The following SH3GL2 variants were observed in gnomAD, a reference collection of about 807,000 sequenced individuals.
SH3GL2 encodes SH3 domain containing GRB2 like 2, endophilin A1.
A neutral mutation model predicts 46.0 loss-of-function variants in SH3GL2; 24 were observed. The ratio of observed to expected loss-of-function variants is 0.52; its 90% CI spans 0.38 to 0.73. The LOEUF is 0.73. Among genes scored for constraint, SH3GL2 ranks in the 30% least tolerant of loss-of-function variants. SH3GL2 has a pLI of 0.00. For synonymous variants in SH3GL2, 196 were observed against 147.1 expected, an observed-to-expected ratio of 1.33 and a Z score of -2.40; for missense variants, 413 against 424.2, an observed-to-expected ratio of 0.97 and a Z score of 0.23.
chr9:17,744,566 T>G (rs1822626181), intron 1 of SH3GL2, among the ~76,000 whole-genome samples: 1 of 152,078 alleles, frequency 6.6e-6, no homozygotes, highest in African/African-American at 2.4e-5. Context: ...AGAGTCTTAC[T>G]ACGTTGCCCA....
At chr9:17,663,630 T>C (rs2117905305) in intron 1 of SH3GL2, among the ~76,000 whole-genome samples, 1 of 152,314 alleles carries the variant, frequency 6.6e-6, no homozygotes, top group Admixed American at 6.5e-5. Context: ...AATTGCATTA[T>C]TATTAATGGT....
intron 2 of SH3GL2, among the ~76,000 whole-genome samples, chr9:17,755,541 A>G (rs1473189537): frequency 3.3e-5 from 5 of 152,260 alleles, no homozygotes; most frequent in East Asian, 3.9e-4. Context: ...GCCTTAAGCA[A>G]TCCTCCTATC....
At chr9:17,605,067 G>A (rs897969969) in intron 1 of SH3GL2, among the ~76,000 whole-genome samples, 7 of 151,364 alleles carry the variant, frequency 4.6e-5, no homozygotes, top group Admixed American at 1.3e-4. Flanking sequence ...CAACTTCCTG[G>A]GCTCAAGTGA....
intron 1 of SH3GL2, among the ~76,000 whole-genome samples, chr9:17,739,212 T>A (rs720269): frequency 0.09 from 13,661 of 152,154 alleles, 831 homozygotes; most frequent in Admixed American, 0.2. Flanking sequence ...ATTGACTTGC[T>A]TTGGCCTTGT....
At chr9:17,756,398 C>T (rs1228069000) in intron 2 of SH3GL2, among the ~76,000 whole-genome samples, 1 of 151,732 alleles carries the variant, frequency 6.6e-6, no homozygotes. Context: ...CATATGTATA[C>T]ATGTGCCATG....
At chr9:17,659,200 A>C (rs749280791) in intron 1 of SH3GL2, among the ~76,000 whole-genome samples, 74 of 152,142 alleles carry the variant, frequency 4.9e-4, no homozygotes, top group Non-Finnish European at 9.1e-4. Context: ...CTGTATTTAC[A>C]CTGGGATCCC....
chr9:17,739,385 A>G (rs1352063733), intron 1 of SH3GL2, among the ~76,000 whole-genome samples: 1 of 152,018 alleles, frequency 6.6e-6, no homozygotes, highest in Non-Finnish European at 1.5e-5. Context: ...ACTACATGTC[A>G]TAAATCTGAC....
intron 1 of SH3GL2, among the ~76,000 whole-genome samples, chr9:17,629,597 G>A (rs1819372982): frequency 6.6e-6 from 1 of 152,172 alleles, no homozygotes; most frequent in Non-Finnish European, 1.5e-5. Flanking sequence ...CTAAAGGATT[G>A]TTTGGGGAAA....
At chr9:17,618,193 T>G (rs919084316) in intron 1 of SH3GL2, among the ~76,000 whole-genome samples, 3 of 152,200 alleles carry the variant, frequency 2.0e-5, no homozygotes, top group Admixed American at 6.5e-5. Flanking sequence ...TTACCACGAC[T>G]GGAAAGGTGC....
chr9:17,716,323 G>C (rs908968058), intron 1 of SH3GL2, among the ~76,000 whole-genome samples: 3 of 152,036 alleles, frequency 2.0e-5, no homozygotes, highest in South Asian at 2.1e-4. Flanking sequence ...ACAGTTCTTG[G>C]TCTTTGTTCT....
intron 2 of SH3GL2, among the ~76,000 whole-genome samples, chr9:17,755,989 C>G (rs1484451989): frequency 6.6e-6 from 1 of 151,954 alleles, no homozygotes; most frequent in Non-Finnish European, 1.5e-5. Context: ...AAGCTAGCAC[C>G]TAGCACAGGA....
chr9:17,689,867 A>C (rs1417923872), intron 1 of SH3GL2, among the ~76,000 whole-genome samples: 1 of 152,072 alleles, frequency 6.6e-6, no homozygotes, highest in Non-Finnish European at 1.5e-5. Flanking sequence ...ATTTATTTTA[A>C]CTTCTTATCC....
chr9:17,700,038 G>C (rs1821306808), intron 1 of SH3GL2, among the ~76,000 whole-genome samples: 1 of 144,952 alleles, frequency 6.9e-6, no homozygotes, highest in African/African-American at 2.7e-5. Flanking sequence ...CACGCTTGCT[G>C]ATGATCTCTG....
intron 1 of SH3GL2, among the ~76,000 whole-genome samples, chr9:17,719,715 C>T (rs1267385549): frequency 1.3e-5 from 2 of 151,560 alleles, no homozygotes; most frequent in African/African-American, 4.9e-5. Flanking sequence ...ATCCCTTGAG[C>T]CCAGAAGTTA....
At chr9:17,774,373 G>C (rs1823579955) in intron 3 of SH3GL2, among the ~76,000 whole-genome samples, 1 of 152,066 alleles carries the variant, frequency 6.6e-6, no homozygotes, top group South Asian at 2.1e-4. Context: ...ACTGATCTTA[G>C]AGTAAAAGCT....
chr9:17,613,359 C>T (rs973705678), intron 1 of SH3GL2, among the ~76,000 whole-genome samples: 8 of 152,132 alleles, frequency 5.3e-5, no homozygotes, highest in Admixed American at 1.3e-4. Context: ...GAAAACTATG[C>T]GTGCCTTTAT....
intron 1 of SH3GL2, among the ~76,000 whole-genome samples, chr9:17,745,513 A>G (rs1822657764): frequency 2.0e-5 from 3 of 152,074 alleles, no homozygotes; most frequent in Admixed American, 6.6e-5. Context: ...CCACTGCGCC[A>G]TATTTCTCCT....
chr9:17,771,771 C>T (rs1823487522), intron 3 of SH3GL2, among the ~76,000 whole-genome samples: 1 of 152,116 alleles, frequency 6.6e-6, no homozygotes, highest in African/African-American at 2.4e-5. Context: ...CTTAATATCC[C>T]TCCCTGCTGT....
intron 1 of SH3GL2, among the ~76,000 whole-genome samples, chr9:17,711,960 C>G (rs1821636516): frequency 1.3e-5 from 2 of 151,824 alleles, no homozygotes; most frequent in Non-Finnish European, 1.5e-5. Flanking sequence ...TTGCTCTACA[C>G]CCTCACTAAT....
Sources: gnomAD v4.1 joint callset for allele counts (sites outside exome capture counted in the v4.1 genomes callset) on GRCh38, gnomAD v4.1.1 for gene constraint, MANE v1.5 for transcripts, NCBI Gene and HGNC (gene_info 2026-07-23, HGNC 2026-07-21) for gene names.